Variants in CBARP observed in about 807,000 individuals in gnomAD.
CBARP encodes the protein CACN subunit beta associated regulatory protein.
CBARP carries 24 observed loss-of-function variants against 36.3 expected under a neutral mutation model. That is an observed-to-expected ratio of 0.66 (90% CI 0.48 to 0.93). The LOEUF is 0.93. Ranked by LOEUF, CBARP falls within the 40% of genes least tolerant of loss-of-function variation. The pLI, the probability that CBARP is intolerant of heterozygous loss-of-function variation, is 0.00. For missense variants in CBARP, 1,146 were observed against 980.4 expected (o/e 1.17, Z -2.26); for synonymous variants, 586 against 453.2 (o/e 1.29, Z -3.72).
At chr19:1,232,758 G>A (rs1198562252) in intron 8 of CBARP, among the ~76,000 whole-genome samples, 1 of 152,244 alleles carries the variant, frequency 6.6e-6, no homozygotes, top group East Asian at 1.9e-4. Context: ...ACACAGCCAC[G>A]TGCATTCGTC....
Position 1,233,448 on chromosome 19 carries a change from C to T in CBARP, c.957G>A (p.Arg319=). ...VKKWKLEPSQ[R]AASLDTRGSP... ...CACCTCTCGTGTCCAGACTGGCTGC[C>T]CGCTGGCTGGGCTCCAGCTTCCACT... Residue 319 remains arginine, a synonymous_variant, in exon 8 of 10, where the codon CGG becomes CGA. Coordinates refer to ENST00000650044, the MANE Select transcript of CBARP (RefSeq NM_001393918.1). The T allele has an allele frequency of 6.3e-7, 1 of 1,595,504 alleles. No homozygotes were observed. The highest frequency in any genetic ancestry group is 8.5e-7 in the Non-Finnish European group (1 of 1,171,402).
At chr19:1,235,223 G>A in intron 4 of CBARP, 78 bp from the exon 5 acceptor site, 2 of 1,361,656 alleles carry the variant, frequency 1.5e-6, no homozygotes, top group Non-Finnish European at 1.9e-6. Context: ...TGCTCCTCCG[G>A]GCGGCCACGG....
chr19:1,234,160 G>T, intron 7 of CBARP, 31 bp downstream of exon 7: 1 of 1,469,756 alleles, frequency 6.8e-7, no homozygotes, highest in Non-Finnish European at 9.0e-7. Flanking sequence ...CCCGGCTGTG[G>T]ACACCATGGG....
chr19:1,235,412 C>T (rs1245246385), intron 4 of CBARP, 89 bp downstream of exon 4: 1 of 1,362,648 alleles, frequency 7.3e-7, no homozygotes, highest in Non-Finnish European at 9.9e-7. Context: ...GACAGACAGA[C>T]ACAGACGGTC....
upstream of CBARP, chr19:1,238,258 C>CG (rs35846135): frequency 0.25 from 37,951 of 151,938 alleles, 4,967 homozygotes; most frequent in East Asian, 0.47. Context: ...GGGTGGGGTC[C>CG]GGGGGGGCAC....
At chr19:1,230,964 G>T in intron 9 of CBARP, 137 bp downstream of exon 9, 1 of 1,568,654 alleles carries the variant, frequency 6.4e-7, no homozygotes, top group South Asian at 1.2e-5. Context: ...CCGCCTCTGG[G>T]AGGGGCCTTG....
At position 1,235,578 on chromosome 19, in the gene CBARP, T is replaced by C. The variant is rs1446369627; in HGVS notation, c.246-13A>G. The C allele has an allele frequency of 3.1e-6, 5 of 1,607,056 alleles. No individual in the cohort carries two copies. The highest frequency in any genetic ancestry group is 1.7e-5 in the Admixed American group (1 of 59,138). On this transcript the variant is annotated splice_polypyrimidine_tract_variant and intron_variant, in intron 3 of 9. Transcript: ENST00000650044. ...TTCCTCCATGGCCCTGGGAGAGACG[T>C]TGGGAGAGCCCAGTGGCACGGAGGG...
rs569550417 is a variant in CBARP, at chr19:1,237,280, G to A, written c.-22+476C>T. On this transcript the variant is annotated intron_variant, in intron 1 of 9. Coordinates refer to ENST00000650044, the MANE Select transcript of CBARP (RefSeq NM_001393918.1). ...CAGGCTGCCCGGGCCCTGGTACTGG[G>A]GGAAGGGGCCGCATATGTAGGTCGG... Among the ~76,000 whole-genome samples, 18 of 152,346 alleles carry A rather than the reference G, an allele frequency of 1.2e-4. No individual in the cohort carries two copies. The South Asian group carries it at 3.7e-3, about 32-fold the overall frequency.
chr19:1,229,312 G>C lies in CBARP; in HGVS notation c.1985C>G (p.Ser662Cys), dbSNP rs1202618142. 1.6e-6 allele frequency: 2 copies of C among 1,253,558 alleles called. No homozygotes were observed. Among genetic ancestry groups the C allele is most frequent in the African/African-American group, 1.6e-5 (1 of 61,884 alleles). The allele number at this position is 1,253,558 out of a possible 1,614,324, so 77.7% of individuals were successfully genotyped here. Residue 662 changes from serine (S) to cysteine (C), a missense_variant, in exon 10 of 10, where the codon TCC becomes TGC. Ser to Cys is a moderately radical substitution (Grantham distance 112). Transcript: ENST00000650044. The surrounding 1 kb of genome is among the most constrained non-coding windows in gnomAD (Gnocchi z 5.1). ...CPGSGLCVLPSGSVLDKLAAG... is the reference protein window; with the variant it reads ...CPGSGLCVLPCGSVLDKLAAG... ...CGCCAGCTTGTCCAGCACCGACCCGGATGGTAGGACGCACAGGCCCGAGCC... is the reference window on the plus strand; with the variant it reads ...CGCCAGCTTGTCCAGCACCGACCCGCATGGTAGGACGCACAGGCCCGAGCC...
Position 1,234,749 on chromosome 19 carries a change from C to T in CBARP, c.456-7G>A, listed in dbSNP as rs750762106. The T allele has an allele frequency of 3.7e-6, 6 of 1,611,310 alleles. No individual in the cohort carries two copies. In the African/African-American group the frequency reaches 8.0e-5, roughly 22 times the overall value. ...CCCCTCCGTCAGTGTGTACCTGCGA[C>T]AGCATCTGGCCATCAGAGCCCGCCC... On this transcript the variant is annotated splice_polypyrimidine_tract_variant and splice_region_variant and intron_variant, in intron 5 of 9. Transcript: ENST00000650044.
chr19:1,232,641 G>A (rs1334632603), intron 8 of CBARP, among the ~76,000 whole-genome samples: 1 of 152,214 alleles, frequency 6.6e-6, no homozygotes, highest in East Asian at 1.9e-4. Flanking sequence ...CCTGACCCAA[G>A]GCCTGCAGAA....
Position 1,230,076 on chromosome 19 carries a change from G to C in CBARP, c.1221C>G (p.Ser407Arg). The change falls in exon 10 of 10, where the codon AGC (serine) becomes AGG (arginine). Residue 407 changes from serine to arginine, a missense_variant. Transcript: ENST00000650044. ...GCGGCTGCTGCTGCTCAGGCCCCGCGCTGCCCGCGCCGCGCTCCGGGGGGG... is the reference window on the plus strand; with the variant it reads ...GCGGCTGCTGCTGCTCAGGCCCCGCCCTGCCCGCGCCGCGCTCCGGGGGGG... Reference protein sequence around the residue: ...PDSPPERGAGSAGPEQQQPPL... With the variant: ...PDSPPERGAGRAGPEQQQPPL... The C allele has an allele frequency of 8.8e-7, 1 of 1,130,200 alleles. No homozygotes were observed. Among genetic ancestry groups the C allele is most frequent in the Non-Finnish European group, 1.1e-6 (1 of 913,090 alleles). The allele number at this position is 1,130,200 out of a possible 1,614,324, so 70.0% of individuals were successfully genotyped here. A position where few individuals can be genotyped will look rare whatever the true frequency, so the allele number is the denominator to read the frequency against.
In CBARP at chr19:1,228,288, G is replaced by A. The variant is rs1056060858; in HGVS notation, c.*891C>T. The A allele has an allele frequency of 5.9e-5, 17 of 287,338 alleles. No individual in the cohort carries two copies. Among genetic ancestry groups the A allele is most frequent in the Non-Finnish European group, 8.9e-5 (15 of 167,910 alleles). 17.8% of individuals were successfully genotyped at this position (287,338 alleles called of 1,614,324 possible). ...GAGAAAACCCGGAGCAAGCAGGAGT[G>A]TGCGGTCAATATTTATATCATCCAG... On this transcript the variant is annotated 3_prime_UTR_variant, in exon 10 of 10. Transcript: ENST00000650044.
intron 1 of CBARP, among the ~76,000 whole-genome samples, chr19:1,236,872 G>T (rs896838289): frequency 4.1e-5 from 6 of 148,098 alleles, no homozygotes; most frequent in Non-Finnish European, 7.5e-5. Flanking sequence ...GGCGGCCTCG[G>T]GGGGGCGGGC....
At chr19:1,232,897 A>G (rs2080912635) in intron 8 of CBARP, among the ~76,000 whole-genome samples, 1 of 152,246 alleles carries the variant, frequency 6.6e-6, no homozygotes, top group African/African-American at 2.4e-5. Context: ...CCCCTGGCCC[A>G]GTCCAACACT....
intron 4 of CBARP, 151 bp downstream of exon 4, chr19:1,235,350 T>C: frequency 3.7e-6 from 4 of 1,085,168 alleles, no homozygotes; most frequent in Non-Finnish European, 5.1e-6. Flanking sequence ...CGCCTGGGCG[T>C]TAAGGAAACA....
At position 1,229,308 on chromosome 19, in the gene CBARP, C is replaced by A; in HGVS notation, c.1989G>T (p.Gly663=). The change falls in exon 10 of 10, where the codon GGG becomes GGT. Residue 663 remains glycine, a synonymous_variant. Transcript: ENST00000650044. This position sits in a 1 kb window ranked among gnomAD's most constrained non-coding sequence, Gnocchi z 5.1. ...PGSGLCVLPS[G]SVLDKLAAGL... ...CAGCCGCCAGCTTGTCCAGCACCGA[C>A]CCGGATGGTAGGACGCACAGGCCCG... 1 of 1,254,604 alleles carries A rather than the reference C, an allele frequency of 8.0e-7. No homozygotes were observed. Among genetic ancestry groups the A allele is most frequent in the Non-Finnish European group, 1.0e-6 (1 of 975,944 alleles). The allele number at this position is 1,254,604 out of a possible 1,614,324, so 77.7% of individuals were successfully genotyped here. A position where few individuals can be genotyped will look rare whatever the true frequency, so the allele number is the denominator to read the frequency against.
At position 1,235,935 on chromosome 19, in the gene CBARP, G is replaced by A. The variant is rs750125199; in HGVS notation, c.106-17C>T. 4.4e-5 allele frequency: 71 copies of A among 1,603,870 alleles called. No individual in the cohort carries two copies. The highest frequency in any genetic ancestry group is 5.7e-5 in the Non-Finnish European group (67 of 1,174,816). Reference sequence around the variant, plus strand: ...TGGCTCTGCCTGCGGGTGTGCAGGGGGGGTCAGGTGCTGCTGGCCTGGACG... The same window carrying A: ...TGGCTCTGCCTGCGGGTGTGCAGGGAGGGTCAGGTGCTGCTGGCCTGGACG... On this transcript the variant is annotated splice_polypyrimidine_tract_variant and intron_variant, in intron 2 of 9. Coordinates refer to ENST00000650044, the MANE Select transcript of CBARP (RefSeq NM_001393918.1).
In CBARP at chr19:1,229,919, G is replaced by A. The variant is rs753157343; in HGVS notation, c.1378C>T (p.Arg460Cys). Residue 460 changes from arginine (R) to cysteine (C), a missense_variant, in exon 10 of 10, where the codon CGC becomes TGC. Arg to Cys is a radical substitution (Grantham distance 180). Transcript: ENST00000650044. This position sits in a 1 kb window ranked among gnomAD's most constrained non-coding sequence, Gnocchi z 5.1. ...CTGTCGCCGCTGCGCACCGAGTCGC[G>A]GTCGTTGCCGCTGCTGCTGTGGTCC... is the stretch of plus-strand genomic sequence containing the variant. ...ASDHSSSGNDRDSVRSGDSSG... is the reference protein window; with the variant it reads ...ASDHSSSGNDCDSVRSGDSSG... 8.7e-7 allele frequency: 1 copy of A among 1,143,160 alleles called. No homozygotes were observed. Among genetic ancestry groups the A allele is most frequent in the Non-Finnish European group, 1.1e-6 (1 of 909,550 alleles). The allele number at this position is 1,143,160 out of a possible 1,614,324, so 70.8% of individuals were successfully genotyped here. A position where few individuals can be genotyped will look rare whatever the true frequency, so the allele number is the denominator to read the frequency against.
Sources: allele counts gnomAD v4.1 joint callset (sites outside exome capture counted in the v4.1 genomes callset), GRCh38; gene constraint gnomAD v4.1.1; non-coding constraint Gnocchi (gnomAD v3.1); transcripts MANE v1.5; gene names NCBI Gene and HGNC (gene_info 2026-07-23, HGNC 2026-07-21).